FAM117A: variants seen among roughly 807,000 people sequenced by gnomAD.
FAM117A encodes the protein protein FAM117A.
FAM117A carries 21 observed loss-of-function variants against 44.1 expected under a neutral mutation model. That is an observed-to-expected ratio of 0.48 (90% CI 0.34 to 0.69). FAM117A has a LOEUF of 0.69. Among genes scored for constraint, FAM117A ranks in the 30% least tolerant of loss-of-function variants. The pLI, the probability that FAM117A is intolerant of heterozygous loss-of-function variation, is 0.01. For synonymous variants in FAM117A, 220 were observed against 238.3 expected, an observed-to-expected ratio of 0.92 and a Z score of 0.71; for missense variants, 498 against 589.9, an observed-to-expected ratio of 0.84 and a Z score of 1.61.
intron 1 of FAM117A, among the ~76,000 whole-genome samples, chr17:49,758,303 C>A (rs2143779489): frequency 6.6e-6 from 1 of 151,324 alleles, no homozygotes; most frequent in South Asian, 2.1e-4. Context: ...TGCACTCCAG[C>A]CTGGGTGACA....
At chr17:49,786,083 C>T (rs1222551080) in intron 1 of FAM117A, among the ~76,000 whole-genome samples, 5 of 152,186 alleles carry the variant, frequency 3.3e-5, no homozygotes, top group Non-Finnish European at 7.3e-5. Context: ...CTTCCCCATT[C>T]TAAATATACC....
chr17:49,721,162 G>C (rs1381318800), intron 3 of FAM117A, among the ~76,000 whole-genome samples: 1 of 152,204 alleles, frequency 6.6e-6, no homozygotes, highest in Admixed American at 6.5e-5. Context: ...AACAGGGATA[G>C]ACACTCAAGA....
At chr17:49,740,629 G>A (rs917921154) in intron 1 of FAM117A, among the ~76,000 whole-genome samples, 3 of 152,230 alleles carry the variant, frequency 2.0e-5, no homozygotes, top group African/African-American at 7.2e-5. Flanking sequence ...ACCTGCTGAT[G>A]AGATTGAAGT....
rs759887702 is a variant in FAM117A, at chr17:49,764,065, C to T, written c.23G>A (p.Gly8Asp). The change falls in exon 1 of 8, where the codon GGC becomes GAC. Residue 8 changes from glycine (G) to aspartate (D), a missense_variant. Physicochemically the swap from Gly to Asp is moderately conservative, Grantham distance 94 (BLOSUM62 -1). Transcript: ENST00000240364. Reference protein sequence around the residue: MAGAAAGGRGGGAWGPGR... With the variant: MAGAAAGDRGGGAWGPGR... ...CGGCCCCCAGGCACCTCCGCCTCTGCCGCCCGCTGCGGCCCCCGCCATGGC... is the reference window on the plus strand; with the variant it reads ...CGGCCCCCAGGCACCTCCGCCTCTGTCGCCCGCTGCGGCCCCCGCCATGGC... 8.0e-7 allele frequency: 1 copy of T among 1,254,092 alleles called. No individual in the cohort carries two copies. The highest frequency in any genetic ancestry group is 3.5e-5 in the South Asian group (1 of 28,812). The allele number at this position is 1,254,092 out of a possible 1,614,324, so 77.7% of individuals were successfully genotyped here.
chr17:49,720,873 C>T (rs1484736511), intron 3 of FAM117A, among the ~76,000 whole-genome samples: 1 of 152,014 alleles, frequency 6.6e-6, no homozygotes, highest in East Asian at 1.9e-4. Context: ...CACCATCACC[C>T]CCAGCTAATT....
intron 3 of FAM117A, among the ~76,000 whole-genome samples, chr17:49,722,180 C>T (rs891320050): frequency 6.6e-6 from 1 of 152,172 alleles, no homozygotes; most frequent in Non-Finnish European, 1.5e-5. Flanking sequence ...GAACTCCCTC[C>T]CTGTCTTCCT....
intron 2 of FAM117A, among the ~76,000 whole-genome samples, chr17:49,725,911 A>G (rs1030164325): frequency 4.6e-5 from 7 of 152,216 alleles, no homozygotes; most frequent in Non-Finnish European, 1.0e-4. Flanking sequence ...GGATAAAGCG[A>G]TATGACCACA....
rs2073668570 is a variant in FAM117A at position 49,749,682 on chromosome 17, GA to G, written c.196+14209del. ...TCTCTAGAAAGTTCCTGGCCATCCT[GA>G]ATATGCTCAGTGTGCTTCAGCATAT... On this transcript the variant is annotated intron_variant, in intron 1 of 7. Coordinates refer to ENST00000240364, the MANE Select transcript of FAM117A (RefSeq NM_030802.4). Among the ~76,000 whole-genome samples, 2 of 147,696 alleles carry G rather than the reference GA, an allele frequency of 1.4e-5. 1 individual carries two copies. The highest frequency in any genetic ancestry group is 3.0e-5 in the Non-Finnish European group (2 of 65,740).
At chr17:49,753,553 C>T (rs143888745) in intron 1 of FAM117A, among the ~76,000 whole-genome samples, 7 of 152,322 alleles carry the variant, frequency 4.6e-5, no homozygotes, top group Middle Eastern at 3.4e-3. Context: ...CGGTGGCTCA[C>T]GCCTGTAATC....
At chr17:49,750,852 T>G (rs181011362) in intron 1 of FAM117A, among the ~76,000 whole-genome samples, 122 of 152,300 alleles carry the variant, frequency 8.0e-4, no homozygotes, top group African/African-American at 2.8e-3. Flanking sequence ...TACTACTTTT[T>G]TAAAAACAAC....
At chr17:49,766,893 C>A (rs769036129), upstream of FAM117A, among the ~76,000 whole-genome samples, 10 of 152,154 alleles carry the variant, frequency 6.6e-5, no homozygotes, top group Non-Finnish European at 1.5e-4. Context: ...TCCATGGATA[C>A]TGTGTTTAAA....
chr17:49,757,245 C>T (rs1598032897), intron 1 of FAM117A, among the ~76,000 whole-genome samples: 1 of 152,154 alleles, frequency 6.6e-6, no homozygotes, highest in African/African-American at 2.4e-5. Context: ...AACCTGTATG[C>T]CTGAGCAGGG....
At chr17:49,741,495 T>C (rs2143753116) in intron 1 of FAM117A, among the ~76,000 whole-genome samples, 1 of 152,334 alleles carries the variant, frequency 6.6e-6, no homozygotes, top group South Asian at 2.1e-4. Flanking sequence ...AATGAGGTCA[T>C]ATTATACATG....
intron 6 of FAM117A, 91 bp downstream of exon 6, chr17:49,717,422 G>T: frequency 9.3e-7 from 1 of 1,080,740 alleles, no homozygotes; most frequent in Admixed American, 2.2e-5. Flanking sequence ...TACTGAGAAT[G>T]CTAGGCCTGA....
intron 1 of FAM117A, among the ~76,000 whole-genome samples, chr17:49,786,013 G>A (rs2073804732): frequency 6.6e-6 from 1 of 152,140 alleles, no homozygotes; most frequent in Admixed American, 6.5e-5. Flanking sequence ...GACTCTCAAA[G>A]TAAATATTAT....
At chr17:49,738,773 C>A (rs553984972) in intron 1 of FAM117A, among the ~76,000 whole-genome samples, 1 of 152,152 alleles carries the variant, frequency 6.6e-6, no homozygotes, top group Non-Finnish European at 1.5e-5. Context: ...ACCATATTTC[C>A]TTTAAGCCTA....
intron 1 of FAM117A, among the ~76,000 whole-genome samples, chr17:49,742,039 A>G (rs1232559742): frequency 6.6e-6 from 1 of 152,214 alleles, no homozygotes; most frequent in African/African-American, 2.4e-5. Context: ...AGCTATCCTT[A>G]ACAGGTAGAA....
At chr17:49,762,092 AC>A (rs1442167620) in intron 1 of FAM117A, among the ~76,000 whole-genome samples, 3 of 152,190 alleles carry the variant, frequency 2.0e-5, no homozygotes, top group African/African-American at 4.8e-5. Context: ...ATGAACCCAG[AC>A]ATCCAAACCT....
chr17:49,770,718 A>G (rs192085862), intron 1 of FAM117A, among the ~76,000 whole-genome samples: 169 of 152,200 alleles, frequency 1.1e-3, no homozygotes, highest in African/African-American at 4.1e-3. Context: ...AGCCTGGCTA[A>G]CATGGTGAAA....
Sources: gnomAD v4.1 joint callset for allele counts (sites outside exome capture counted in the v4.1 genomes callset) on GRCh38, gnomAD v4.1.1 for gene constraint, MANE v1.5 for transcripts, NCBI Gene and HGNC (gene_info 2026-07-23, HGNC 2026-07-21) for gene names.